Variants in THTPA observed in about 807,000 individuals in gnomAD.
THTPA encodes the protein thiamine-triphosphatase.
A neutral mutation model predicts 16.5 loss-of-function variants in THTPA; 16 were observed. That is an observed-to-expected ratio of 0.97 (90% CI 0.66 to 1.47). The LOEUF (loss-of-function observed/expected upper bound fraction) is 1.47, where lower values mean the gene tolerates loss of function less well. THTPA is among the 40% of genes most tolerant of loss of function. The pLI is 0.00. For missense variants in THTPA, 281 were observed against 280.9 expected (o/e 1.00, Z 0.00); for synonymous variants, 110 against 115.5 (o/e 0.95, Z 0.30).
At chr14:23,522,829 G>A in the THTPA span, 1 of 1,535,132 alleles carries the variant, frequency 6.5e-7, no homozygotes, top group Non-Finnish European at 8.7e-7. Context: ...TGTTGGTTTG[G>A]TCGGGCATGG....
chr14:23,529,651 G>A, the THTPA span: 1 of 1,428,474 alleles, frequency 7.0e-7, no homozygotes. Flanking sequence ...TAGAATATGA[G>A]CAGATCTCAG....
the THTPA span, chr14:23,530,391 C>T: frequency 1.4e-6 from 1 of 694,840 alleles, no homozygotes; most frequent in East Asian, 2.7e-5. Context: ...AGTATTAGAA[C>T]TGGTAGGGCC....
At chr14:23,557,870 G>A (rs138637769) in intron 1 of THTPA, among the ~76,000 whole-genome samples, 183 of 152,298 alleles carry the variant, frequency 1.2e-3, no homozygotes, top group African/African-American at 4.2e-3. Context: ...TGAGACTGAT[G>A]CACTGCCCAC....
At chr14:23,535,136 C>T in the THTPA span, 8 of 1,536,160 alleles carry the variant, frequency 5.2e-6, no homozygotes, top group Middle Eastern at 1.7e-4. This position sits in a 1 kb window ranked among gnomAD's most constrained non-coding sequence, Gnocchi z 4.5. Context: ...AGGCCACAGC[C>T]CGACTCCAGG....
chr14:23,534,599 G>A, the THTPA span: 9 of 1,536,002 alleles, frequency 5.9e-6, no homozygotes, highest in Admixed American at 3.9e-5. The surrounding 1 kb of genome is among the most constrained non-coding windows in gnomAD (Gnocchi z 4.5). Flanking sequence ...AAACCCAGGC[G>A]GCACAGAAGG....
rs764239589 is a variant in THTPA, at chr14:23,559,782, C to T, written c.*942C>T. The T allele has an allele frequency of 6.8e-6, 11 of 1,614,106 alleles. No individual in the cohort carries two copies. Among genetic ancestry groups the T allele is most frequent in the Non-Finnish European group, 9.3e-6 (11 of 1,180,022 alleles). On this transcript the variant is annotated 3_prime_UTR_variant, in exon 2 of 2. Coordinates refer to ENST00000288014, the MANE Select transcript of THTPA (RefSeq NM_024328.6). ...ACGATTCCACAGGCAAGTTGTTCAC[C>T]TCAAAGATCTCCTGCACCGACTGGT...
chr14:23,526,406 A>G, the THTPA span: 1 of 1,536,226 alleles, frequency 6.5e-7, no homozygotes, highest in Non-Finnish European at 8.7e-7. Flanking sequence ...GTCCAGGGCA[A>G]AGTTGGTGGT....
the THTPA span, chr14:23,527,095 G>C: frequency 6.6e-6 from 9 of 1,366,064 alleles, no homozygotes; most frequent in Non-Finnish European, 8.5e-6. Context: ...CCAGCCTCCT[G>C]TCTGAACAAA....
At chr14:23,548,045 C>T in the THTPA span, among the ~76,000 whole-genome samples, 1 of 152,146 alleles carries the variant, frequency 6.6e-6, no homozygotes, top group Non-Finnish European at 1.5e-5. Context: ...AATGAGTTTA[C>T]ACTCACACAG....
Position 23,556,683 on chromosome 14 carries a change from C to T in THTPA, c.-75C>T, listed in dbSNP as rs956281342. On this transcript the variant is annotated 5_prime_UTR_variant, in exon 1 of 2. In the 5' UTR this introduces an upstream ATG that the reference lacks. Coordinates refer to ENST00000288014, the MANE Select transcript of THTPA (RefSeq NM_024328.6). ...AGGGAGGGGTTCTGTACTGAGTTGA[C>T]GCCCCAGGAGCTGAGCACCAGGCTT... 6.7e-6 allele frequency: 10 copies of T among 1,492,350 alleles called. No individual in the cohort carries two copies. In the African/African-American group the frequency reaches 8.3e-5, roughly 12 times the overall value. 92.4% of individuals were successfully genotyped at this position (1,492,350 alleles called of 1,614,324 possible).
At chr14:23,535,240 GAGA>G in the THTPA span, 4 of 1,519,048 alleles carry the variant, frequency 2.6e-6, no homozygotes, top group East Asian at 2.5e-5. The surrounding 1 kb of genome is among the most constrained non-coding windows in gnomAD (Gnocchi z 4.5). Context: ...GGTGCTGGAG[GAGA>G]AGGTGTCCGA....
At chr14:23,529,900 A>G in the THTPA span, 2 of 1,027,296 alleles carry the variant, frequency 1.9e-6, no homozygotes, top group Non-Finnish European at 2.9e-6. Flanking sequence ...GAGGCTTGGC[A>G]AGGGCTGACT....
chr14:23,557,409 T>G, intron 1 of THTPA, 105 bp downstream of exon 1: 1 of 1,307,904 alleles, frequency 7.6e-7, no homozygotes, highest in Non-Finnish European at 1.0e-6. Flanking sequence ...TTAAAAATTT[T>G]TTTTTTAATA....
At chr14:23,547,186 C>G in the THTPA span, among the ~76,000 whole-genome samples, 1 of 152,364 alleles carries the variant, frequency 6.6e-6, no homozygotes, top group Non-Finnish European at 1.5e-5. Context: ...GGCCATCCCT[C>G]ACAGGGTTCT....
the THTPA span, chr14:23,522,660 A>T: frequency 6.5e-7 from 1 of 1,536,442 alleles, no homozygotes. Flanking sequence ...TGGCCCCCCA[A>T]CAGGGCTGGG....
At chr14:23,525,832 G>T in the THTPA span, 1 of 1,457,808 alleles carries the variant, frequency 6.9e-7, no homozygotes, top group East Asian at 2.5e-5. This position sits in a 1 kb window ranked among gnomAD's most constrained non-coding sequence, Gnocchi z 5.9. Flanking sequence ...CCTTGAGATC[G>T]TGGAGGTAGA....
the THTPA span, chr14:23,523,985 T>G: frequency 1.3e-6 from 2 of 1,526,332 alleles, no homozygotes; most frequent in Non-Finnish European, 1.8e-6. The surrounding 1 kb of genome is among the most constrained non-coding windows in gnomAD (Gnocchi z 4.1). Flanking sequence ...GGTGGTGGCC[T>G]CTTTCCCAGG....
At chr14:23,546,535 G>A in the THTPA span, among the ~76,000 whole-genome samples, 23 of 152,216 alleles carry the variant, frequency 1.5e-4, 1 homozygote, top group South Asian at 4.1e-3. The surrounding 1 kb of genome is among the most constrained non-coding windows in gnomAD (Gnocchi z 4.7). Flanking sequence ...TCCTACATGA[G>A]GAAGCCACTG....
At chr14:23,545,118 C>G in the THTPA span, among the ~76,000 whole-genome samples, 1 of 152,096 alleles carries the variant, frequency 6.6e-6, no homozygotes, top group African/African-American at 2.4e-5. Context: ...CTTCACGGCT[C>G]CAGTTCCTCC....
Sources: gnomAD v4.1 joint callset for allele counts (sites outside exome capture counted in the v4.1 genomes callset) on GRCh38, gnomAD v4.1.1 for gene constraint, Gnocchi (gnomAD v3.1) non-coding constraint, MANE v1.5 for transcripts, NCBI Gene and HGNC (gene_info 2026-07-23, HGNC 2026-07-21) for gene names.